Variants in MAP3K4 observed in about 807,000 individuals in gnomAD.
MAP3K4 encodes the protein MAP three kinase 1.
In MAP3K4, 67 loss-of-function variants were observed where a neutral mutation model predicts 185.6. That is an observed-to-expected ratio of 0.36 (90% CI 0.30 to 0.44). The LOEUF (loss-of-function observed/expected upper bound fraction) is 0.44. Among genes scored for constraint, MAP3K4 ranks in the 20% least tolerant of loss-of-function variants. The pLI is 1.00. For missense variants in MAP3K4, 1,551 were observed against 1,995.1 expected, an observed-to-expected ratio of 0.78 and a Z score of 4.24; for synonymous variants, 702 against 710.4, an observed-to-expected ratio of 0.99 and a Z score of 0.19.
intron 13 of MAP3K4, 119 bp downstream of exon 13, chr6:161,092,262 TC>T: frequency 9.2e-7 from 1 of 1,082,722 alleles, no homozygotes; most frequent in Non-Finnish European, 1.3e-6. Flanking sequence ...TCTAAACTCT[TC>T]GGTGATCAGG....
chr6:160,993,337 C>T (rs747007357), intron 1 of MAP3K4, among the ~76,000 whole-genome samples: 1 of 152,100 alleles, frequency 6.6e-6, no homozygotes, highest in Admixed American at 6.5e-5. Flanking sequence ...GTTAACGGAT[C>T]AGTTTTCGAG....
rs1168200093 is a variant in MAP3K4, at chr6:161,071,143, A to G, written c.1950+293A>G. On this transcript the variant is annotated intron_variant, in intron 4 of 26. Transcript: ENST00000392142. The surrounding 1 kb of genome is among the most constrained non-coding windows in gnomAD (Gnocchi z 4.6). Reference sequence around the variant, plus strand: ...TTTAAAATTCATTCATAAGAGGTAGAGTATAAGATTCTTAAATTTATTTAT... The same window carrying G: ...TTTAAAATTCATTCATAAGAGGTAGGGTATAAGATTCTTAAATTTATTTAT... Among the ~76,000 whole-genome samples, 1 of 152,206 alleles carries G rather than the reference A, an allele frequency of 6.6e-6. No homozygotes were observed. Among genetic ancestry groups the G allele is most frequent in the Admixed American group, 6.5e-5 (1 of 15,284 alleles).
chr6:161,092,295 G>C, intron 13 of MAP3K4, 152 bp downstream of exon 13: 1 of 904,284 alleles, frequency 1.1e-6, no homozygotes, highest in East Asian at 2.6e-5. Context: ...GGAAAAATAT[G>C]TAGAGAAAAC....
intron 3 of MAP3K4, among the ~76,000 whole-genome samples, chr6:161,062,884 G>A (rs576840280): frequency 1.1e-4 from 17 of 148,562 alleles, no homozygotes; most frequent in African/African-American, 3.7e-4. Context: ...TTGTTTGTCA[G>A]TCTGTTTTTT....
chr6:161,040,588 G>A (rs1263728356), intron 2 of MAP3K4, among the ~76,000 whole-genome samples: 1 of 152,146 alleles, frequency 6.6e-6, no homozygotes, highest in African/African-American at 2.4e-5. Context: ...AAGAAGCATT[G>A]ACCTAGATAA....
intron 2 of MAP3K4, among the ~76,000 whole-genome samples, chr6:161,042,889 G>C (rs1783547045): frequency 7.1e-6 from 1 of 141,830 alleles, no homozygotes; most frequent in Non-Finnish European, 1.5e-5. Flanking sequence ...CAAATATTTT[G>C]CAATTTATAT....
intron 2 of MAP3K4, among the ~76,000 whole-genome samples, chr6:161,038,273 G>A (rs1447618417): frequency 1.3e-5 from 2 of 152,210 alleles, no homozygotes; most frequent in African/African-American, 2.4e-5. Context: ...GCAGTATTGA[G>A]AAGACCTGGG....
intron 15 of MAP3K4, among the ~76,000 whole-genome samples, chr6:161,094,409 G>T (rs1006498989): frequency 6.6e-6 from 1 of 152,162 alleles, no homozygotes; most frequent in East Asian, 1.9e-4. Context: ...TACAGTTTAT[G>T]TACAATTTTA....
chr6:161,099,750 A>G (rs1267697328), intron 17 of MAP3K4, among the ~76,000 whole-genome samples: 1 of 152,086 alleles, frequency 6.6e-6, no homozygotes, highest in Non-Finnish European at 1.5e-5. Context: ...ATAGGGAGTG[A>G]CCTCCCTCTT....
rs373337026 is a variant in MAP3K4, at chr6:161,084,609, C to A, written c.2364C>A (p.Asp788Glu). 2 of 1,588,154 alleles carry A rather than the reference C, an allele frequency of 1.3e-6. No homozygotes were observed. Among genetic ancestry groups the A allele is most frequent in the East Asian group, 2.2e-5 (1 of 44,760 alleles). ...WTSADDSSAS[D>E]EIRRSVIEIS... ...GTGCGGATGACAGCAGTGCTTCCGACGAAATCAGGTTGGAGTTGTGCTTCC... is the reference window on the plus strand; with the variant it reads ...GTGCGGATGACAGCAGTGCTTCCGAAGAAATCAGGTTGGAGTTGTGCTTCC... The change falls in exon 7 of 27, where the codon GAC becomes GAA. Residue 788 changes from aspartate to glutamate, a missense_variant. Physicochemically the swap from Asp to Glu is conservative, Grantham distance 45. This residue lies in a region of MAP3K4 where 130 missense variants were observed against 171.3 expected (regional missense o/e 0.76). Transcript: ENST00000392142. The surrounding 1 kb of genome is among the most constrained non-coding windows in gnomAD (Gnocchi z 4.6).
At chr6:161,005,930 G>A (rs969737977) in intron 1 of MAP3K4, among the ~76,000 whole-genome samples, 1 of 152,108 alleles carries the variant, frequency 6.6e-6, no homozygotes, top group Non-Finnish European at 1.5e-5. Flanking sequence ...TGGGATTACA[G>A]GTGCCCGCCA....
At position 161,063,122 on chromosome 6, in the gene MAP3K4, CCT is replaced by C. The variant is rs1440707042; in HGVS notation, c.1708-7485_1708-7484del. ...TGTTCTGTTTATTTGCTCTTATGTG[CCT>C]TCTAGTTTGTTTTTGATTTGGGACG... is the stretch of plus-strand genomic sequence containing the variant. On this transcript the variant is annotated intron_variant, in intron 3 of 26. Transcript: ENST00000392142. This position sits in a 1 kb window ranked among gnomAD's most constrained non-coding sequence, Gnocchi z 5.4. Among the ~76,000 whole-genome samples the C allele has an allele frequency of 6.6e-6, 1 of 151,416 alleles. No homozygotes were observed. Among genetic ancestry groups the C allele is most frequent in the Non-Finnish European group, 1.5e-5 (1 of 67,862 alleles).
At chr6:160,998,398 T>A (rs1781105188) in intron 1 of MAP3K4, among the ~76,000 whole-genome samples, 1 of 152,192 alleles carries the variant, frequency 6.6e-6, no homozygotes, top group Non-Finnish European at 1.5e-5. Context: ...TATTTTAAAA[T>A]AAAAAGCTAA....
intron 1 of MAP3K4, among the ~76,000 whole-genome samples, chr6:161,020,398 G>A (rs994681212): frequency 2.6e-5 from 4 of 152,070 alleles, no homozygotes; most frequent in Admixed American, 1.3e-4. Flanking sequence ...AGTGGCTCAC[G>A]CCTGTAATCC....
In MAP3K4 at chr6:161,053,193, T is replaced by C. The variant is rs550788668; in HGVS notation, c.1707+3214T>C. Reference sequence around the variant, plus strand: ...GGAAGGCAAAGCCAGAGCAGGCACTTCTCATGGCTGGAGCACGGGCAGGGT... The same window carrying C: ...GGAAGGCAAAGCCAGAGCAGGCACTCCTCATGGCTGGAGCACGGGCAGGGT... On this transcript the variant is annotated intron_variant, in intron 3 of 26. Coordinates refer to ENST00000392142, the MANE Select transcript of MAP3K4 (RefSeq NM_005922.4). The surrounding 1 kb of genome is among the most constrained non-coding windows in gnomAD (Gnocchi z 4.2). 7.9e-4 allele frequency among the ~76,000 whole-genome samples: 120 copies of C among 152,222 alleles called. No homozygotes were observed. The highest frequency in any genetic ancestry group is 2.8e-3 in the African/African-American group (117 of 41,534).
chr6:160,995,208 A>G (rs7772660), intron 1 of MAP3K4, among the ~76,000 whole-genome samples: 1 of 152,102 alleles, frequency 6.6e-6, no homozygotes, highest in Non-Finnish European at 1.5e-5. Context: ...AGTGATGTTG[A>G]GCATTTTTTC....
chr6:161,038,196 A>G (rs1243745463), intron 2 of MAP3K4, among the ~76,000 whole-genome samples: 1 of 152,188 alleles, frequency 6.6e-6, no homozygotes, highest in Non-Finnish European at 1.5e-5. Context: ...AATAAGACCT[A>G]GTTCCAGGTC....
Position 161,073,508 on chromosome 6 carries a change from A to G in MAP3K4, c.1993A>G (p.Met665Val). Residue 665 changes from methionine to valine, a missense_variant, in exon 5 of 27, where the codon ATG becomes GTG. Physicochemically the swap from Met to Val is conservative, Grantham distance 21 (BLOSUM62 1). This residue lies in a region of MAP3K4 where 130 missense variants were observed against 171.3 expected (regional missense o/e 0.76). Coordinates refer to ENST00000392142, the MANE Select transcript of MAP3K4 (RefSeq NM_005922.4). This position sits in a 1 kb window ranked among gnomAD's most constrained non-coding sequence, Gnocchi z 4.2. Reference sequence around the variant, plus strand: ...GGAGGTCCTGAAGGGCGGCCTGCTGATGAAGCAGTACTACCAGTTCATGCT... The same window carrying G: ...GGAGGTCCTGAAGGGCGGCCTGCTGGTGAAGCAGTACTACCAGTTCATGCT... ...CKEVLKGGLL[M>V]KQYYQFMLQE... is the part of the protein sequence containing the mutation. 3 of 1,613,372 alleles carry G rather than the reference A, an allele frequency of 1.9e-6. No homozygotes were observed. The highest frequency in any genetic ancestry group is 2.5e-6 in the Non-Finnish European group (3 of 1,179,652).
rs1785525610 is a variant in MAP3K4 at position 161,082,926 on chromosome 6, C to T, written c.2256-1575C>T. Among the ~76,000 whole-genome samples, 1 of 152,200 alleles carries T rather than the reference C, an allele frequency of 6.6e-6. No homozygotes were observed. On this transcript the variant is annotated intron_variant, in intron 6 of 26. Coordinates refer to ENST00000392142, the MANE Select transcript of MAP3K4 (RefSeq NM_005922.4). The surrounding 1 kb of genome is among the most constrained non-coding windows in gnomAD (Gnocchi z 4.2). Reference sequence around the variant, plus strand: ...GTCTTCTCTCAATTTCCCAGTGGCTCCCCATCTTACTCAGGAAACGTAAGA... The same window carrying T: ...GTCTTCTCTCAATTTCCCAGTGGCTTCCCATCTTACTCAGGAAACGTAAGA...
Sources: allele counts gnomAD v4.1 joint callset (sites outside exome capture counted in the v4.1 genomes callset), GRCh38; gene constraint gnomAD v4.1.1; regional missense constraint gnomAD v4.1.1; non-coding constraint Gnocchi (gnomAD v3.1); transcripts MANE v1.5; gene names NCBI Gene and HGNC (gene_info 2026-07-23, HGNC 2026-07-21).